STON2: variants seen among roughly 807,000 people sequenced by gnomAD.
STON2 encodes stonin-2.
Under a neutral mutation model 65.7 loss-of-function variants are expected in STON2, and 29 were observed. The ratio of observed to expected loss-of-function variants is 0.44; its 90% CI spans 0.33 to 0.60. The LOEUF is 0.60. Among genes scored for constraint, STON2 ranks in the 20% least tolerant of loss-of-function variants. The pLI is 0.03. For missense variants in STON2, 1,054 were observed against 1,118.1 expected (o/e 0.94, Z 0.82); for synonymous variants, 404 against 414.2 (o/e 0.98, Z 0.30).
chr14:81,317,941 CT>C (rs1896685347), intron 5 of STON2, among the ~76,000 whole-genome samples: 1 of 151,334 alleles, frequency 6.6e-6, no homozygotes, highest in Admixed American at 6.6e-5. Context: ...AGGACTTTCT[CT>C]TTTGTTTTTT....
At chr14:81,271,900 G>A (rs918352656) in intron 6 of STON2, among the ~76,000 whole-genome samples, 2 of 152,174 alleles carry the variant, frequency 1.3e-5, no homozygotes, top group African/African-American at 2.4e-5. Flanking sequence ...TTTTATAGTC[G>A]AGGAAGCTAA....
intron 5 of STON2, among the ~76,000 whole-genome samples, chr14:81,319,627 G>T (rs1316164610): frequency 7.0e-6 from 1 of 142,034 alleles, no homozygotes; most frequent in Non-Finnish European, 1.5e-5. Context: ...GCATCTTTCA[G>T]TAATGGAAGG....
At chr14:81,316,922 A>G (rs1896645150) in intron 5 of STON2, among the ~76,000 whole-genome samples, 1 of 152,188 alleles carries the variant, frequency 6.6e-6, no homozygotes, top group Admixed American at 6.5e-5. Context: ...TGGGAGGCTG[A>G]GGCAGGAGAA....
chr14:81,324,857 T>C (rs1896951413), intron 4 of STON2, among the ~76,000 whole-genome samples: 1 of 152,188 alleles, frequency 6.6e-6, no homozygotes, highest in African/African-American at 2.4e-5. Context: ...GAAGCATGGG[T>C]GTTCATAAAC....
chr14:81,341,135 A>G (rs1228023019), intron 4 of STON2, among the ~76,000 whole-genome samples: 1 of 152,176 alleles, frequency 6.6e-6, no homozygotes, highest in Non-Finnish European at 1.5e-5. Context: ...CTTTTCACAT[A>G]CAAGATAATG....
At chr14:81,405,524 T>G (rs1204259536) in intron 2 of STON2, among the ~76,000 whole-genome samples, 2 of 134,272 alleles carry the variant, frequency 1.5e-5, no homozygotes, top group Non-Finnish European at 3.0e-5. Context: ...TTCCTAAGGT[T>G]TTTTTTTTTT....
rs192922165 is a variant in STON2, at chr14:81,359,586, G to C, written c.571+11402C>G. 2.4e-3 allele frequency among the ~76,000 whole-genome samples: 368 copies of C among 152,178 alleles called. 2 individuals carry two copies. The highest frequency in any genetic ancestry group is 8.4e-3 in the African/African-American group (351 of 41,550). On this transcript the variant is annotated intron_variant, in intron 4 of 7. Coordinates refer to ENST00000614646, the MANE Select transcript of STON2 (RefSeq NM_001394390.1). ...AAAAATACAAAAAAATCAATGAAAC[G>C]AAGAGTTGGTTTTTTGAAAAGATAA... is the stretch of plus-strand genomic sequence containing the variant.
intron 3 of STON2, among the ~76,000 whole-genome samples, chr14:81,378,416 A>G (rs1297020416): frequency 6.6e-6 from 1 of 150,714 alleles, no homozygotes; most frequent in African/African-American, 2.4e-5. Flanking sequence ...GGGTTTCACT[A>G]TGTTTCCCGG....
chr14:81,357,830 T>A (rs1447665469), intron 4 of STON2, among the ~76,000 whole-genome samples: 1 of 141,914 alleles, frequency 7.0e-6, no homozygotes, highest in Non-Finnish European at 1.5e-5. Context: ...TAGGTGGGAA[T>A]TGAACAATGA....
intron 6 of STON2, among the ~76,000 whole-genome samples, chr14:81,271,677 T>C (rs1566880157): frequency 6.6e-6 from 1 of 152,220 alleles, no homozygotes; most frequent in Non-Finnish European, 1.5e-5. Context: ...GATGGCAAAC[T>C]TTGGGTTTGA....
At chr14:81,312,996 G>A (rs1488776007) in intron 5 of STON2, among the ~76,000 whole-genome samples, 2 of 152,216 alleles carry the variant, frequency 1.3e-5, no homozygotes, top group Non-Finnish European at 2.9e-5. Context: ...GCAAAGCCCC[G>A]TGTTTTCATT....
chr14:81,304,651 C>T (rs1327590682), intron 5 of STON2, among the ~76,000 whole-genome samples: 1 of 152,106 alleles, frequency 6.6e-6, no homozygotes, highest in African/African-American at 2.4e-5. Flanking sequence ...TTGCTTGAGC[C>T]TGGGAGGCGG....
At chr14:81,422,661 G>T (rs969365305) in intron 2 of STON2, among the ~76,000 whole-genome samples, 2 of 152,176 alleles carry the variant, frequency 1.3e-5, no homozygotes, top group Non-Finnish European at 2.9e-5. Context: ...CAGTTTTCCA[G>T]CATTTGAAGA....
chr14:81,327,238 A>T (rs899701039), intron 4 of STON2, among the ~76,000 whole-genome samples: 6 of 151,876 alleles, frequency 4.0e-5, no homozygotes, highest in South Asian at 2.1e-4. Flanking sequence ...AATATATCAA[A>T]TTTTTTTTTA....
intron 5 of STON2, among the ~76,000 whole-genome samples, chr14:81,301,374 C>T (rs1044180386): frequency 2.0e-5 from 3 of 148,542 alleles, no homozygotes; most frequent in East Asian, 1.9e-4. Flanking sequence ...AGGAATAAGA[C>T]TTTGTCACTA....
intron 3 of STON2, among the ~76,000 whole-genome samples, chr14:81,371,718 G>C (rs997812914): frequency 1.4e-5 from 2 of 146,428 alleles, no homozygotes; most frequent in South Asian, 2.2e-4. Context: ...TAAGGTCCCA[G>C]GACTCTCCAA....
chr14:81,280,620 A>T (rs934436798), intron 5 of STON2, among the ~76,000 whole-genome samples: 1 of 152,232 alleles, frequency 6.6e-6, no homozygotes, highest in South Asian at 2.1e-4. Context: ...ATAATTGCAC[A>T]TAATTATACA....
At chr14:81,292,916 T>C (rs189824433) in intron 5 of STON2, among the ~76,000 whole-genome samples, 6 of 152,316 alleles carry the variant, frequency 3.9e-5, no homozygotes, top group Admixed American at 3.3e-4. Flanking sequence ...AGGAATATTG[T>C]ATTGCCTTCT....
chr14:81,333,229 T>G, intron 4 of STON2: 1 of 865,946 alleles, frequency 1.2e-6, no homozygotes, highest in South Asian at 1.3e-5. Flanking sequence ...TTTTGCTAGT[T>G]TTTCCCGAAT....
Sources: gnomAD v4.1 joint callset for allele counts (sites outside exome capture counted in the v4.1 genomes callset) on GRCh38, gnomAD v4.1.1 for gene constraint, MANE v1.5 for transcripts, NCBI Gene and HGNC (gene_info 2026-07-23, HGNC 2026-07-21) for gene names.